DHRS7B: variants seen among roughly 807,000 people sequenced by gnomAD.
DHRS7B encodes peroxisomal reductase activating PPAR-gamma.
Under a neutral mutation model 26.4 loss-of-function variants are expected in DHRS7B, and 24 were observed. That is an observed-to-expected ratio of 0.91 (90% CI 0.66 to 1.28). The LOEUF is 1.28. Ranked by LOEUF, DHRS7B falls within the 50% of genes most tolerant of loss-of-function variation. The pLI is 0.00. For synonymous variants in DHRS7B, 142 were observed against 166.4 expected (o/e 0.85, Z 1.13); for missense variants, 368 against 419.4 (o/e 0.88, Z 1.07).
rs572706396 is a variant in DHRS7B at position 21,191,128 on chromosome 17, A to G, written c.953A>G (p.Lys318Arg). The change falls in exon 7 of 7, where the codon AAA (lysine) becomes AGA (arginine). Residue 318 changes from lysine to arginine, a missense_variant. By Grantham distance (26) the Lys-to-Arg change is conservative (BLOSUM62 2). Transcript: ENST00000395511. ...AGCCTCATGGCCTCCAGGGCCAGAAAAGAGCGGAAATCCAAGAACTCCTAG... is the reference window on the plus strand; with the variant it reads ...AGCCTCATGGCCTCCAGGGCCAGAAGAGAGCGGAAATCCAAGAACTCCTAG... ...FFSLMASRAR[K>R]ERKSKNS 1 of 1,613,774 alleles carries G rather than the reference A, an allele frequency of 6.2e-7. No homozygotes were observed. The highest frequency in any genetic ancestry group is 1.3e-5 in the African/African-American group (1 of 75,056).
intron 1 of DHRS7B, chr17:21,166,169 T>C: frequency 6.1e-6 from 6 of 985,520 alleles, no homozygotes; most frequent in Non-Finnish European, 7.2e-6. Flanking sequence ...CTTGGCATCT[T>C]ACTGGAGAGC....
chr17:21,180,161 G>C (rs4985986), intron 3 of DHRS7B, among the ~76,000 whole-genome samples: 1 of 147,768 alleles, frequency 6.8e-6, no homozygotes, highest in South Asian at 2.1e-4. Flanking sequence ...TGCAAGCTCC[G>C]CCTCCCAGGT....
intron 1 of DHRS7B, among the ~76,000 whole-genome samples, chr17:21,132,960 G>T (rs927445119): frequency 6.6e-5 from 10 of 152,068 alleles, no homozygotes; most frequent in Non-Finnish European, 8.8e-5. Context: ...CAGAGTCTGA[G>T]TACGTTGGTT....
intron 1 of DHRS7B, among the ~76,000 whole-genome samples, chr17:21,156,827 C>T (rs779055922): frequency 4.6e-5 from 7 of 151,188 alleles, no homozygotes; most frequent in African/African-American, 7.3e-5. Context: ...GCAGGAGAAT[C>T]GCTTGAACCT....
Position 21,138,105 on chromosome 17 carries a change from C to T in DHRS7B, c.20+11114C>T, listed in dbSNP as rs1017410633. On this transcript the variant is annotated intron_variant, in intron 1 of 6. Transcript: ENST00000395511. ...ATATATATATATATATATATATACA[C>T]ACACACACACACACACACACACACA... Among the ~76,000 whole-genome samples the T allele has an allele frequency of 3.3e-3, 450 of 135,932 alleles. 5 individuals are homozygous for T. Among genetic ancestry groups the T allele is most frequent in the African/African-American group, 0.012 (428 of 34,954 alleles). 89.2% of individuals were successfully genotyped at this position (135,932 alleles called of 152,430 possible). A position where few individuals can be genotyped will look rare whatever the true frequency, so the allele number is the denominator to read the frequency against.
intron 1 of DHRS7B, among the ~76,000 whole-genome samples, chr17:21,130,641 T>C (rs1424884413): frequency 6.6e-6 from 1 of 152,142 alleles, no homozygotes; most frequent in Non-Finnish European, 1.5e-5. Flanking sequence ...AGAGAAGATC[T>C]CTTTCCCTTT....
In DHRS7B at chr17:21,191,316, A is replaced by G; in HGVS notation, c.*163A>G. ...CAGATCTGCTGGCAGAGGACAATCA[A>G]AAACGACAACAAGCTTCTTCCCAGG... On this transcript the variant is annotated 3_prime_UTR_variant, in exon 7 of 7. Transcript: ENST00000395511. 1 of 698,062 alleles carries G rather than the reference A, an allele frequency of 1.4e-6. No individual in the cohort carries two copies. The highest frequency in any genetic ancestry group is 1.9e-5 in the South Asian group (1 of 53,098). The allele number at this position is 698,062 out of a possible 1,614,324, so 43.2% of individuals were successfully genotyped here.
intron 3 of DHRS7B, among the ~76,000 whole-genome samples, chr17:21,179,462 T>C (rs1974463226): frequency 2.0e-5 from 3 of 152,182 alleles, no homozygotes; most frequent in Admixed American, 6.5e-5. Flanking sequence ...TAGCTGGGTG[T>C]GGTGGTGCAT....
chr17:21,181,546 A>G (rs1974514742), intron 3 of DHRS7B, among the ~76,000 whole-genome samples: 2 of 152,198 alleles, frequency 1.3e-5, no homozygotes, highest in South Asian at 4.1e-4. Flanking sequence ...GAGAGGGAAA[A>G]GGGCTGATTT....
chr17:21,175,926 CAAAAAAA>C (rs60913350), intron 2 of DHRS7B, among the ~76,000 whole-genome samples: 5 of 126,226 alleles, frequency 4.0e-5, no homozygotes, highest in African/African-American at 1.2e-4. Context: ...GACCCTGTAT[CAAAAAAA>C]AAAAAAAAAA....
chr17:21,162,419 T>A (rs8075621), intron 1 of DHRS7B, among the ~76,000 whole-genome samples: 2,990 of 152,290 alleles, frequency 0.02, 95 homozygotes, highest in African/African-American at 0.069. Context: ...AAACAACACA[T>A]CTGGGCTCTG....
chr17:21,149,327 C>T (rs530470851), intron 1 of DHRS7B, among the ~76,000 whole-genome samples: 7 of 152,134 alleles, frequency 4.6e-5, no homozygotes, highest in East Asian at 1.9e-4. Flanking sequence ...GAGAATTTAC[C>T]GCCACTAAAC....
chr17:21,156,811 G>T (rs1051981842), intron 1 of DHRS7B, among the ~76,000 whole-genome samples: 2 of 151,750 alleles, frequency 1.3e-5, no homozygotes, highest in South Asian at 4.1e-4. Flanking sequence ...TATTCGGGGG[G>T]CTGAGGCAGG....
chr17:21,175,108 A>G (rs552085751), intron 2 of DHRS7B, among the ~76,000 whole-genome samples: 1 of 152,270 alleles, frequency 6.6e-6, no homozygotes, highest in East Asian at 1.9e-4. Flanking sequence ...TGTCGGGTGT[A>G]TGGAGAGGCG....
At chr17:21,157,688 T>C (rs1415013307) in intron 1 of DHRS7B, among the ~76,000 whole-genome samples, 1 of 152,124 alleles carries the variant, frequency 6.6e-6, no homozygotes, top group African/African-American at 2.4e-5. Flanking sequence ...AGTGAGACCC[T>C]GTCTCAAAAC....
intron 1 of DHRS7B, among the ~76,000 whole-genome samples, chr17:21,145,280 C>T (rs1224672768): frequency 5.3e-5 from 8 of 151,756 alleles, no homozygotes; most frequent in Admixed American, 2.0e-4. Context: ...GCCGGGATCG[C>T]GCCACTGCAT....
At chr17:21,141,368 A>C (rs1357207062) in intron 1 of DHRS7B, among the ~76,000 whole-genome samples, 1 of 152,178 alleles carries the variant, frequency 6.6e-6, no homozygotes, top group Non-Finnish European at 1.5e-5. Context: ...TTGAGAGAAA[A>C]AGCAATAGGG....
chr17:21,187,219 G>T (rs1471007510), intron 5 of DHRS7B, among the ~76,000 whole-genome samples: 4 of 151,656 alleles, frequency 2.6e-5, no homozygotes, highest in Non-Finnish European at 5.9e-5. Context: ...ACTTTGGGAG[G>T]GTGAAGTGGG....
At chr17:21,174,280 T>C (rs976845464) in intron 2 of DHRS7B, among the ~76,000 whole-genome samples, 7 of 152,206 alleles carry the variant, frequency 4.6e-5, no homozygotes, top group Non-Finnish European at 1.0e-4. Flanking sequence ...GTTTCTCCTA[T>C]CTTGTCTCTT....
Sources: gnomAD v4.1 joint callset for allele counts (sites outside exome capture counted in the v4.1 genomes callset) on GRCh38, gnomAD v4.1.1 for gene constraint, MANE v1.5 for transcripts, NCBI Gene and HGNC (gene_info 2026-07-23, HGNC 2026-07-21) for gene names.